The following ADAMTSL1 variants were observed in gnomAD, a reference collection of about 807,000 sequenced individuals.
The protein encoded by ADAMTSL1 is ADAMTS-like protein 1.
Under a neutral mutation model 201.8 loss-of-function variants are expected in ADAMTSL1, and 126 were observed. The observed-to-expected ratio is 0.62, with a 90% confidence interval of 0.54 to 0.72. The LOEUF is 0.72. Ranked by LOEUF, ADAMTSL1 falls within the 30% of genes least tolerant of loss-of-function variation. The pLI, the probability that ADAMTSL1 is intolerant of heterozygous loss-of-function variation, is 0.00. For synonymous variants in ADAMTSL1, 1,121 were observed against 903.4 expected (o/e 1.24, Z -4.32); for missense variants, 2,679 against 2,277.8 (o/e 1.18, Z -3.59).
At chr9:18,545,194 A>T (rs1327094540) in intron 3 of ADAMTSL1, among the ~76,000 whole-genome samples, 1 of 152,056 alleles carries the variant, frequency 6.6e-6, no homozygotes, top group African/African-American at 2.4e-5. Flanking sequence ...TTTGCCCCAA[A>T]CTCATTCAAT....
intron 23 of ADAMTSL1, among the ~76,000 whole-genome samples, chr9:18,858,774 A>C: frequency 6.6e-6 from 1 of 152,176 alleles, no homozygotes; most frequent in Non-Finnish European, 1.5e-5. Context: ...TTTGAATAAG[A>C]GAATGCTGTC....
In ADAMTSL1 at chr9:18,680,352, G is replaced by T. The variant is rs199787607; in HGVS notation, c.1177G>T (p.Gly393Trp). The change falls in exon 11 of 29, where the codon GGG becomes TGG. Residue 393 changes from glycine (G) to tryptophan (W), a missense_variant. Coordinates refer to ENST00000380548, the MANE Select transcript of ADAMTSL1 (RefSeq NM_001040272.6). ...ATGGACCGCGTGCTCCTCCTCGTGT[G>T]GGGGGGGCATCCAGAGCCGGGCAGT... ...TPWTACSSSC[G>W]GGIQSRAVSC... 332 of 1,612,700 alleles carry T rather than the reference G, an allele frequency of 2.1e-4. No individual in the cohort carries two copies. The highest frequency in any genetic ancestry group is 9.6e-4 in the South Asian group (87 of 91,022).
At position 18,890,458 on chromosome 9, in the gene ADAMTSL1, G is replaced by T. The variant is rs190672174; in HGVS notation, c.4643+710G>T. 4.8e-4 allele frequency: 220 copies of T among 455,426 alleles called. 2 individuals carry two copies. Among genetic ancestry groups the T allele is most frequent in the South Asian group, 3.1e-3 (201 of 64,394 alleles). 28.2% of individuals were successfully genotyped at this position (455,426 alleles called of 1,614,324 possible). On this transcript the variant is annotated intron_variant, in intron 25 of 28. Coordinates refer to ENST00000380548, the MANE Select transcript of ADAMTSL1 (RefSeq NM_001040272.6). The stretch of plus-strand genomic sequence containing the variant: ...AGTTGGCACTGGTGCAGTGCTGAGA[G>T]CCTGGGGGGATGTGGCTCAGCTCTC...
chr9:18,539,623 C>T (rs1436821929), intron 3 of ADAMTSL1, among the ~76,000 whole-genome samples: 1 of 152,128 alleles, frequency 6.6e-6, no homozygotes, highest in Non-Finnish European at 1.5e-5. Flanking sequence ...CTTCGTAAAG[C>T]TGGGTTTGCT....
intron 2 of ADAMTSL1, among the ~76,000 whole-genome samples, chr9:18,392,292 G>A (rs567633730): frequency 3.5e-4 from 53 of 152,268 alleles, no homozygotes; most frequent in South Asian, 8.3e-4. Flanking sequence ...TAAAGTCACT[G>A]TTGCTTTAGT....
intron 1 of ADAMTSL1, among the ~76,000 whole-genome samples, chr9:18,095,242 A>G (rs1229379875): frequency 1.3e-5 from 2 of 152,056 alleles, no homozygotes; most frequent in Admixed American, 1.3e-4. Context: ...GCTCACAGCC[A>G]ATAGATCACA....
chr9:18,393,105 A>T (rs1269624291), intron 2 of ADAMTSL1, among the ~76,000 whole-genome samples: 1 of 152,228 alleles, frequency 6.6e-6, no homozygotes, highest in Non-Finnish European at 1.5e-5. Flanking sequence ...TACTCAGGTT[A>T]TTAGTGGATG....
Position 18,028,518 on chromosome 9 carries a change from C to T in ADAMTSL1, c.87+121596C>T, listed in dbSNP as rs1024890995. On this transcript the variant is annotated intron_variant, in intron 1 of 29. Transcript: ENST00000680146. ...CCTAATGGGGTTCTCTTCTCTGACC[C>T]TTTTCTCTAGCTAACTTTAAGATTT... 3.3e-5 allele frequency among the ~76,000 whole-genome samples: 5 copies of T among 152,022 alleles called. No individual in the cohort carries two copies. The South Asian group carries it at 8.3e-4, about 25-fold the overall frequency.
chr9:18,735,875 T>C (rs1818474874), intron 15 of ADAMTSL1, among the ~76,000 whole-genome samples: 2 of 146,616 alleles, frequency 1.4e-5, no homozygotes. Flanking sequence ...CTGATGCACT[T>C]ACTGGGGAAA....
At chr9:18,590,217 T>A (rs1182481609) in intron 4 of ADAMTSL1, among the ~76,000 whole-genome samples, 3 of 152,168 alleles carry the variant, frequency 2.0e-5, no homozygotes, top group Admixed American at 2.0e-4. Flanking sequence ...TTATTCATCA[T>A]TGATCTGTTC....
At chr9:18,297,791 T>A (rs1455898776) in intron 2 of ADAMTSL1, among the ~76,000 whole-genome samples, 1 of 152,220 alleles carries the variant, frequency 6.6e-6, no homozygotes, top group Non-Finnish European at 1.5e-5. Flanking sequence ...TTTAAAAGAC[T>A]TACTATCTCT....
intron 2 of ADAMTSL1, among the ~76,000 whole-genome samples, chr9:18,223,210 AT>A (rs1371131582): frequency 6.6e-6 from 1 of 152,106 alleles, no homozygotes; most frequent in African/African-American, 2.4e-5. Context: ...AAAATCTGAA[AT>A]TTTTTGAGCA....
chr9:18,780,685 A>C (rs1588097732), intron 19 of ADAMTSL1, among the ~76,000 whole-genome samples: 1 of 152,206 alleles, frequency 6.6e-6, no homozygotes, highest in Non-Finnish European at 1.5e-5. Flanking sequence ...ACTGTATTAC[A>C]TAAAAAGCAT....
At chr9:18,239,286 G>T (rs370875668) in intron 2 of ADAMTSL1, among the ~76,000 whole-genome samples, 9 of 152,226 alleles carry the variant, frequency 5.9e-5, no homozygotes, top group African/African-American at 9.6e-5. Flanking sequence ...CTGTTTGATG[G>T]CATTTTACCC....
At chr9:18,040,253 C>A (rs903135496) in intron 1 of ADAMTSL1, among the ~76,000 whole-genome samples, 2 of 152,128 alleles carry the variant, frequency 1.3e-5, no homozygotes, top group Non-Finnish European at 2.9e-5. Context: ...TTTCCCCAAC[C>A]CTTTCTGGAA....
At chr9:18,725,511 C>T (rs1442881046) in intron 15 of ADAMTSL1, among the ~76,000 whole-genome samples, 1 of 152,174 alleles carries the variant, frequency 6.6e-6, no homozygotes, top group Admixed American at 6.5e-5. Flanking sequence ...CCATATCATC[C>T]ACCCAGTCCT....
At chr9:17,920,199 C>T (rs1026775428) in intron 1 of ADAMTSL1, among the ~76,000 whole-genome samples, 6 of 152,192 alleles carry the variant, frequency 3.9e-5, no homozygotes, top group Admixed American at 3.9e-4. Context: ...ATACCTGTCA[C>T]ATGCCTATGA....
chr9:18,674,187 TAC>T (rs1829997205), intron 9 of ADAMTSL1, among the ~76,000 whole-genome samples: 1 of 130,854 alleles, frequency 7.6e-6, no homozygotes, highest in East Asian at 2.1e-4. Flanking sequence ...TGAAGGTTAA[TAC>T]ACACACAGGC....
intron 23 of ADAMTSL1, among the ~76,000 whole-genome samples, chr9:18,887,437 G>A (rs1828968186): frequency 6.6e-6 from 1 of 152,140 alleles, no homozygotes; most frequent in South Asian, 2.1e-4. Context: ...TTACTATATA[G>A]TATGGTATTT....
Sources: gnomAD v4.1 joint callset for allele counts (sites outside exome capture counted in the v4.1 genomes callset) on GRCh38, gnomAD v4.1.1 for gene constraint, MANE v1.5 for transcripts, NCBI Gene and HGNC (gene_info 2026-07-23, HGNC 2026-07-21) for gene names.